Variants in SLC16A10 observed in about 807,000 individuals in gnomAD.
The protein encoded by SLC16A10 is solute carrier family 16 member 10, also known as monocarboxylate transporter 10.
SLC16A10 carries 27 observed loss-of-function variants against 40.0 expected under a neutral mutation model. The ratio of observed to expected loss-of-function variants is 0.67; its 90% confidence interval spans 0.50 to 0.93. The LOEUF is 0.93. SLC16A10 is among the 40% of genes least tolerant of loss of function. The probability of loss-of-function intolerance (pLI) is 0.00; values close to 1 mark genes in which losing one functional copy is unlikely to be tolerated. For missense variants in SLC16A10, 529 were observed against 658.2 expected, an observed-to-expected ratio of 0.80 and a Z score of 2.15; for synonymous variants, 213 against 249.8, an observed-to-expected ratio of 0.85 and a Z score of 1.39.
chr6:111,177,390 G>T lies in SLC16A10; in HGVS notation c.667G>T (p.Val223Phe), dbSNP rs751094525. The change falls in exon 3 of 6, where the codon GTT (valine) becomes TTT (phenylalanine). Residue 223 changes from valine to phenylalanine, a missense_variant. Coordinates refer to ENST00000368851, the MANE Select transcript of SLC16A10 (RefSeq NM_018593.5). ...FTILLPLLLR[V>F]LIDSVGLFYT... The stretch of plus-strand genomic sequence containing the variant: ...AATCCTGCTGCCTTTGCTCTTAAGG[G>T]TTCTGATTGACAGCGTGGGCCTCTT... 1 of 1,614,002 alleles carries T rather than the reference G, an allele frequency of 6.2e-7. No homozygotes were observed. Among genetic ancestry groups the T allele is most frequent in the Admixed American group, 1.7e-5 (1 of 59,964 alleles).
At chr6:111,196,916 C>T (rs916909355) in intron 3 of SLC16A10, among the ~76,000 whole-genome samples, 5 of 152,156 alleles carry the variant, frequency 3.3e-5, no homozygotes, top group Admixed American at 3.3e-4. Context: ...GTGTTGGGTT[C>T]AGTTCTCCAC....
intron 1 of SLC16A10, among the ~76,000 whole-genome samples, chr6:111,109,361 A>G (rs1562399815): frequency 6.6e-6 from 1 of 151,844 alleles, no homozygotes. Flanking sequence ...TTCACTCAGC[A>G]TGATGCTTTT....
At chr6:111,128,460 G>C (rs1037241767) in intron 1 of SLC16A10, among the ~76,000 whole-genome samples, 1 of 152,042 alleles carries the variant, frequency 6.6e-6, no homozygotes, top group African/African-American at 2.4e-5. Flanking sequence ...TTATTTAGTG[G>C]TCTGATAAGA....
chr6:111,179,638 T>C (rs1772753323), intron 3 of SLC16A10, among the ~76,000 whole-genome samples: 1 of 152,232 alleles, frequency 6.6e-6, no homozygotes, highest in South Asian at 2.1e-4. Flanking sequence ...ATGTTATAGA[T>C]ACTTTTGTGA....
At chr6:111,179,971 C>T (rs780537724) in intron 3 of SLC16A10, among the ~76,000 whole-genome samples, 3 of 152,180 alleles carry the variant, frequency 2.0e-5, no homozygotes, top group South Asian at 2.1e-4. Flanking sequence ...CTAGTTTCCT[C>T]CTTATACAGG....
chr6:111,221,708 C>T (rs910511394), intron 5 of SLC16A10, among the ~76,000 whole-genome samples: 13 of 151,290 alleles, frequency 8.6e-5, no homozygotes, highest in African/African-American at 2.7e-4. Flanking sequence ...ATTATGCTAC[C>T]GCACTCCAGC....
chr6:111,217,611 G>A (rs1192038255), intron 4 of SLC16A10, among the ~76,000 whole-genome samples: 4 of 151,956 alleles, frequency 2.6e-5, no homozygotes, highest in Admixed American at 6.6e-5. Flanking sequence ...CACCACGCCC[G>A]GCTAATTTTT....
At chr6:111,157,165 T>A (rs1397914576) in intron 1 of SLC16A10, among the ~76,000 whole-genome samples, 1 of 152,164 alleles carries the variant, frequency 6.6e-6, no homozygotes, top group Non-Finnish European at 1.5e-5. Context: ...GTGATCCACC[T>A]GCCTCGGCCT....
chr6:111,128,547 T>A (rs1292511599), intron 1 of SLC16A10, among the ~76,000 whole-genome samples: 1 of 151,416 alleles, frequency 6.6e-6, no homozygotes, highest in Non-Finnish European at 1.5e-5. Flanking sequence ...AGAAAAAATA[T>A]AGATGTTAAT....
intron 3 of SLC16A10, among the ~76,000 whole-genome samples, chr6:111,205,139 A>C (rs1210354096): frequency 1.3e-5 from 2 of 152,258 alleles, no homozygotes; most frequent in African/African-American, 2.4e-5. Context: ...ATTCTGGACC[A>C]GTATGAAAAC....
In SLC16A10 at chr6:111,229,088, A is replaced by G. The variant is rs1290100421; in HGVS notation, c.*6853A>G. On this transcript the variant is annotated 3_prime_UTR_variant, in exon 6 of 6. Coordinates refer to ENST00000368851, the MANE Select transcript of SLC16A10 (RefSeq NM_018593.5). ...TGACCCTGGACTATGAACAGACTGTATAGTTGGTGCCTCTTTTTTTTCTAC... is the reference window on the plus strand; with the variant it reads ...TGACCCTGGACTATGAACAGACTGTGTAGTTGGTGCCTCTTTTTTTTCTAC... 2.0e-5 allele frequency: 3 copies of G among 151,450 alleles called. No individual in the cohort carries two copies. Among genetic ancestry groups the G allele is most frequent in the Admixed American group, 1.3e-4 (2 of 15,190 alleles). 9.4% of individuals were successfully genotyped at this position (151,450 alleles called of 1,614,324 possible).
chr6:111,161,216 G>C (rs111559654), intron 1 of SLC16A10, among the ~76,000 whole-genome samples: 294 of 82,084 alleles, frequency 3.6e-3, no homozygotes, highest in African/African-American at 0.013. Context: ...TAGCGAGACA[G>C]TGTCTCAAAA....
chr6:111,136,485 A>G (rs1424407418), intron 1 of SLC16A10, among the ~76,000 whole-genome samples: 2 of 152,210 alleles, frequency 1.3e-5, no homozygotes, highest in African/African-American at 2.4e-5. Context: ...GCTAAAGAAG[A>G]CTGGTGGCTG....
Position 111,089,509 on chromosome 6 carries a change from G to A in SLC16A10, c.343+1414G>A, listed in dbSNP as rs781630294. On this transcript the variant is annotated intron_variant, in intron 1 of 5. Transcript: ENST00000368851. ...CACTCTCGTTATGCATGTGAATACG[G>A]TACCATTTTAACCTGGAATTTCTGT... Among the ~76,000 whole-genome samples the A allele has an allele frequency of 4.6e-5, 7 of 152,176 alleles. No individual in the cohort carries two copies. The East Asian group carries it at 1.3e-3, about 29-fold the overall frequency.
intron 2 of SLC16A10, among the ~76,000 whole-genome samples, chr6:111,176,864 C>T (rs551984583): frequency 6.6e-6 from 1 of 152,230 alleles, no homozygotes; most frequent in South Asian, 2.1e-4. Flanking sequence ...GTTGATTTTA[C>T]CCTTCCTGGC....
At chr6:111,181,116 G>A (rs1009020818) in intron 3 of SLC16A10, among the ~76,000 whole-genome samples, 1 of 151,812 alleles carries the variant, frequency 6.6e-6, no homozygotes, top group African/African-American at 2.4e-5. Context: ...TCAGGAGGCT[G>A]AGGCAGGAGA....
At chr6:111,115,842 C>G (rs972494928) in intron 1 of SLC16A10, among the ~76,000 whole-genome samples, 3 of 151,830 alleles carry the variant, frequency 2.0e-5, no homozygotes, top group Admixed American at 1.3e-4. Flanking sequence ...TGCAGTTTTT[C>G]CCTCCTGTCA....
chr6:111,090,731 TC>T (rs1770960177), intron 1 of SLC16A10, among the ~76,000 whole-genome samples: 1 of 152,252 alleles, frequency 6.6e-6, no homozygotes, highest in African/African-American at 2.4e-5. Context: ...TCACACTTTT[TC>T]ACTTTGATAT....
intron 3 of SLC16A10, among the ~76,000 whole-genome samples, chr6:111,190,904 G>A (rs1772979436): frequency 1.3e-5 from 2 of 152,198 alleles, no homozygotes; most frequent in Admixed American, 1.3e-4. Context: ...CCTTGGGGAC[G>A]TTTTCACCAT....
Sources: gnomAD v4.1 joint callset for allele counts (sites outside exome capture counted in the v4.1 genomes callset) on GRCh38, gnomAD v4.1.1 for gene constraint, MANE v1.5 for transcripts, NCBI Gene and HGNC (gene_info 2026-07-23, HGNC 2026-07-21) for gene names.